The following ADAM12 variants were observed in gnomAD, a reference collection of about 807,000 sequenced individuals.
ADAM12 encodes the protein ADAM metallopeptidase domain 12.
In ADAM12, 70 loss-of-function variants were observed where a neutral mutation model predicts 106.4. The ratio of observed to expected loss-of-function variants is 0.66; its 90% CI spans 0.54 to 0.80. ADAM12 has a LOEUF of 0.80. Among genes scored for constraint, ADAM12 ranks in the 30% least tolerant of loss-of-function variants. The probability of loss-of-function intolerance (pLI) is 0.00; values close to 1 mark genes in which losing one functional copy is unlikely to be tolerated. For synonymous variants in ADAM12, 420 were observed against 433.5 expected, an observed-to-expected ratio of 0.97 and a Z score of 0.39; for missense variants, 1,010 against 1,171.9, an observed-to-expected ratio of 0.86 and a Z score of 2.02.
intron 14 of ADAM12, among the ~76,000 whole-genome samples, chr10:126,052,670 G>T (rs1954534241): frequency 6.6e-6 from 1 of 152,086 alleles, no homozygotes; most frequent in Admixed American, 6.5e-5. Context: ...GAGGAAGGGG[G>T]AGAGAGAGAG....
At chr10:126,358,176 CAAA>C (rs34098142) in intron 1 of ADAM12, among the ~76,000 whole-genome samples, 1 of 130,062 alleles carries the variant, frequency 7.7e-6, no homozygotes, top group Non-Finnish European at 1.6e-5. Context: ...GACTCCGTCT[CAAA>C]AAAAAAAAAA....
chr10:126,292,263 C>T (rs769367856), intron 2 of ADAM12, among the ~76,000 whole-genome samples: 13 of 152,156 alleles, frequency 8.5e-5, no homozygotes, highest in Non-Finnish European at 1.8e-4. Context: ...CTTGTTTTTC[C>T]TATTGTCATC....
intron 2 of ADAM12, among the ~76,000 whole-genome samples, chr10:126,326,112 A>C (rs890823500): frequency 7.2e-5 from 11 of 152,204 alleles, no homozygotes; most frequent in African/African-American, 2.7e-4. Context: ...AAATCAGCCG[A>C]ATCGACTTGA....
chr10:126,040,851 G>A (rs777096211), intron 18 of ADAM12, among the ~76,000 whole-genome samples: 5 of 152,126 alleles, frequency 3.3e-5, no homozygotes, highest in Non-Finnish European at 5.9e-5. Context: ...ACTCCCCAGG[G>A]TTGCTCAAGC....
At chr10:126,166,368 T>C (rs1957022947) in intron 3 of ADAM12, among the ~76,000 whole-genome samples, 1 of 152,198 alleles carries the variant, frequency 6.6e-6, no homozygotes, top group African/African-American at 2.4e-5. Flanking sequence ...TTTCCACCTT[T>C]GCAGCTCTCC....
At chr10:126,183,084 C>G (rs1404825526) in intron 3 of ADAM12, among the ~76,000 whole-genome samples, 2 of 152,130 alleles carry the variant, frequency 1.3e-5, no homozygotes, top group Non-Finnish European at 1.5e-5. Context: ...ACTGTGCATG[C>G]GAGGGATCTA....
chr10:126,238,561 A>G (rs911746076), intron 3 of ADAM12, among the ~76,000 whole-genome samples: 20 of 152,226 alleles, frequency 1.3e-4, no homozygotes, highest in African/African-American at 4.6e-4. Context: ...TAACCATTTT[A>G]CTATCTATAT....
At chr10:126,204,907 C>A (rs1957768355) in intron 3 of ADAM12, among the ~76,000 whole-genome samples, 1 of 152,190 alleles carries the variant, frequency 6.6e-6, no homozygotes, top group Non-Finnish European at 1.5e-5. Flanking sequence ...TAGGTTGGAA[C>A]CCACCCACAG....
At chr10:126,181,376 C>A (rs997331827) in intron 3 of ADAM12, among the ~76,000 whole-genome samples, 1 of 152,094 alleles carries the variant, frequency 6.6e-6, no homozygotes, top group African/African-American at 2.4e-5. Context: ...CAAGCCTACA[C>A]AGGGATTTTG....
At chr10:126,184,765 C>A (rs746239510) in intron 3 of ADAM12, among the ~76,000 whole-genome samples, 1 of 152,222 alleles carries the variant, frequency 6.6e-6, no homozygotes, top group Non-Finnish European at 1.5e-5. Context: ...CACACAGCAG[C>A]AGAACATACA....
At chr10:126,191,558 AAG>A (rs1210654565) in intron 3 of ADAM12, among the ~76,000 whole-genome samples, 1 of 151,066 alleles carries the variant, frequency 6.6e-6, no homozygotes, top group Non-Finnish European at 1.5e-5. Flanking sequence ...TGGGTAAGGA[AAG>A]AGAGGATTCC....
At chr10:126,033,190 T>C (rs1239495107) in intron 21 of ADAM12, among the ~76,000 whole-genome samples, 1 of 152,144 alleles carries the variant, frequency 6.6e-6, no homozygotes, top group African/African-American at 2.4e-5. Context: ...AATGTCACAC[T>C]AGTAGCTTGA....
At chr10:126,166,802 T>A (rs1957033342) in intron 3 of ADAM12, among the ~76,000 whole-genome samples, 1 of 152,178 alleles carries the variant, frequency 6.6e-6, no homozygotes, top group South Asian at 2.1e-4. Context: ...TTTTAATGTG[T>A]CATGATTGCC....
In ADAM12 at chr10:126,024,497, AT is replaced by A. The variant is rs375583962; in HGVS notation, c.2530-4673del. On this transcript the variant is annotated intron_variant, in intron 21 of 22. Coordinates refer to ENST00000448723, the MANE Select transcript of ADAM12 (RefSeq NM_001288973.2). ...ACTATTTAAAAAATATACACTACAA[AT>A]TGGAACCAGTGAGCAAGGTGTAAAG... Among the ~76,000 whole-genome samples, 15 of 152,346 alleles carry A rather than the reference AT, an allele frequency of 9.8e-5. No homozygotes were observed. In the East Asian group the frequency reaches 2.5e-3, roughly 25 times the overall value.
At chr10:126,248,854 C>T (rs1464044010) in intron 3 of ADAM12, among the ~76,000 whole-genome samples, 1 of 151,890 alleles carries the variant, frequency 6.6e-6, no homozygotes, top group Non-Finnish European at 1.5e-5. Context: ...TACAGACAGG[C>T]GCCATCGTAC....
chr10:126,177,046 ACACACACACACG>A (rs1025431687), intron 3 of ADAM12, among the ~76,000 whole-genome samples: 75 of 151,676 alleles, frequency 4.9e-4, no homozygotes, highest in African/African-American at 1.4e-3. Flanking sequence ...ACATGTGCAC[ACACACACACACG>A]CACACACACA....
intron 12 of ADAM12, among the ~76,000 whole-genome samples, chr10:126,069,281 C>CAAA (rs1318847202): frequency 1.3e-5 from 2 of 151,336 alleles, no homozygotes; most frequent in Non-Finnish European, 2.9e-5. Context: ...TTTTGAAAAG[C>CAAA]AAAAAATAAA....
At chr10:126,353,085 A>G (rs1458713317) in intron 1 of ADAM12, among the ~76,000 whole-genome samples, 3 of 152,208 alleles carry the variant, frequency 2.0e-5, no homozygotes, top group Admixed American at 6.5e-5. Context: ...ACATCAGAGC[A>G]TCTCCTGCAT....
intron 9 of ADAM12, among the ~76,000 whole-genome samples, chr10:126,099,360 C>G (rs955103975): frequency 1.3e-5 from 2 of 151,892 alleles, no homozygotes; most frequent in Admixed American, 6.6e-5. Context: ...CCTTCTCCCT[C>G]CTTCCCTCCC....
Sources: gnomAD v4.1 joint callset for allele counts (sites outside exome capture counted in the v4.1 genomes callset) on GRCh38, gnomAD v4.1.1 for gene constraint, MANE v1.5 for transcripts, NCBI Gene and HGNC (gene_info 2026-07-23, HGNC 2026-07-21) for gene names.